The following ERICH3 variants were observed in gnomAD, a reference collection of about 807,000 sequenced individuals.
ERICH3 encodes the protein glutamate rich 3.
ERICH3 carries 126 observed loss-of-function variants against 131.1 expected under a neutral mutation model. That is an observed-to-expected ratio of 0.96 (90% CI 0.83 to 1.11). ERICH3 has a LOEUF of 1.11. Among genes scored for constraint, ERICH3 ranks in the 50% most tolerant of loss-of-function variants. ERICH3 has a pLI of 0.00. For synonymous variants in ERICH3, 695 were observed against 644.6 expected (o/e 1.08, Z -1.18); for missense variants, 2,050 against 1,810.7 (o/e 1.13, Z -2.40).
intron 1 of ERICH3, among the ~76,000 whole-genome samples, chr1:74,660,671 T>C (rs954141734): frequency 6.7e-6 from 1 of 148,786 alleles, no homozygotes; most frequent in Admixed American, 6.7e-5. Flanking sequence ...TACAAGTGTA[T>C]ATGTGTATAT....
chr1:74,657,303 C>T (rs1215302941), intron 1 of ERICH3, among the ~76,000 whole-genome samples: 1 of 151,764 alleles, frequency 6.6e-6, no homozygotes, highest in Non-Finnish European at 1.5e-5. Flanking sequence ...AATATAGTTC[C>T]CAGGGAGGCA....
intron 1 of ERICH3, among the ~76,000 whole-genome samples, chr1:74,673,084 G>C (rs1646756361): frequency 2.0e-5 from 3 of 152,122 alleles, no homozygotes; most frequent in Admixed American, 2.0e-4. Flanking sequence ...TTATATGTAA[G>C]CTAAGGTGAG....
rs532861482 is a variant in ERICH3 at position 74,648,183 on chromosome 1, G to A, written c.117+1039C>T. Reference sequence around the variant, plus strand: ...ATTTGAATTGCCATGCATACAACCAGTGTTCAGTAAGTGCTTGTTAATGAT... The same window carrying A: ...ATTTGAATTGCCATGCATACAACCAATGTTCAGTAAGTGCTTGTTAATGAT... On this transcript the variant is annotated intron_variant, in intron 2 of 14. Coordinates refer to ENST00000326665, the MANE Select transcript of ERICH3 (RefSeq NM_001002912.5). 3.3e-5 allele frequency among the ~76,000 whole-genome samples: 5 copies of A among 152,236 alleles called. No homozygotes were observed. In the East Asian group the frequency reaches 5.8e-4, roughly 18 times the overall value.
chr1:74,574,629 ATCT>A (rs1557661132), intron 13 of ERICH3, among the ~76,000 whole-genome samples: 1 of 152,236 alleles, frequency 6.6e-6, no homozygotes. Context: ...AGCATAAATA[ATCT>A]TCTTAGAGTA....
At chr1:74,597,990 A>T (rs1251302428) in intron 11 of ERICH3, among the ~76,000 whole-genome samples, 1 of 151,944 alleles carries the variant, frequency 6.6e-6, no homozygotes, top group Non-Finnish European at 1.5e-5. Context: ...GTAGTCTGCC[A>T]CTGGTGTTTC....
At chr1:74,648,068 C>T (rs749100897) in intron 2 of ERICH3, among the ~76,000 whole-genome samples, 11 of 152,098 alleles carry the variant, frequency 7.2e-5, no homozygotes, top group African/African-American at 2.2e-4. Flanking sequence ...GTCTCACATT[C>T]GCATTTTCTG....
At chr1:74,591,212 G>A (rs560061500) in intron 11 of ERICH3, among the ~76,000 whole-genome samples, 1 of 152,288 alleles carries the variant, frequency 6.6e-6, no homozygotes, top group South Asian at 2.1e-4. Flanking sequence ...GAAGATTCAT[G>A]TGTGAGAAAA....
In ERICH3 at chr1:74,630,395, G is replaced by A. The variant is rs1375298645; in HGVS notation, c.819+1318C>T. Among the ~76,000 whole-genome samples, 5 of 152,188 alleles carry A rather than the reference G, an allele frequency of 3.3e-5. No homozygotes were observed. The East Asian group carries it at 7.7e-4, about 23-fold the overall frequency. ...CAAGGGCTTGCCAAATGGCATTCAA[G>A]TGTAAGTGACATGTGCCACTCCTGA... On this transcript the variant is annotated intron_variant, in intron 7 of 14. Transcript: ENST00000326665.
At position 74,576,941 on chromosome 1, in the gene ERICH3, T is replaced by TC; in HGVS notation, c.2177-6_2177-5insG. 6.3e-7 allele frequency: 1 copy of TC among 1,581,388 alleles called. No individual in the cohort carries two copies. Among genetic ancestry groups the TC allele is most frequent in the Non-Finnish European group, 8.6e-7 (1 of 1,167,594 alleles). ...CTAATGGCAATGAATCCTTTCCTAGTTAAAAAAAAAAAAAAGAAAAAAAAG... is the reference window on the plus strand; with the variant it reads ...CTAATGGCAATGAATCCTTTCCTAGTCTAAAAAAAAAAAAAAGAAAAAAAAG... On this transcript the variant is annotated splice_polypyrimidine_tract_variant and splice_region_variant and intron_variant, in intron 12 of 14. Transcript: ENST00000326665.
At chr1:74,628,708 C>CAA (rs1342969532) in intron 7 of ERICH3, among the ~76,000 whole-genome samples, 2 of 151,906 alleles carry the variant, frequency 1.3e-5, no homozygotes, top group African/African-American at 4.8e-5. Flanking sequence ...CACACACACA[C>CAA]ACACAGACAC....
At chr1:74,659,183 C>T (rs937008168) in intron 1 of ERICH3, among the ~76,000 whole-genome samples, 3 of 152,120 alleles carry the variant, frequency 2.0e-5, no homozygotes, top group African/African-American at 7.2e-5. Flanking sequence ...GGCGCGGGAA[C>T]TTACAAGAGG....
At chr1:74,604,695 T>C (rs1648300511) in intron 10 of ERICH3, among the ~76,000 whole-genome samples, 2 of 152,038 alleles carry the variant, frequency 1.3e-5, no homozygotes, top group Middle Eastern at 6.8e-3. Flanking sequence ...GAAAGAAATC[T>C]TTTTCCCTGA....
rs78767316 is a variant in ERICH3 at position 74,606,196 on chromosome 1, T to A, written c.1489+405A>T. 8.2e-3 allele frequency among the ~76,000 whole-genome samples: 1,251 copies of A among 152,052 alleles called. 15 individuals carry two copies. Among genetic ancestry groups the A allele is most frequent in the African/African-American group, 0.029 (1,185 of 41,526 alleles). ...CTGCCTTTAGTTATGGCATACTCTATCACCATATAATCATATAGGTTGTAC... is the reference window on the plus strand; with the variant it reads ...CTGCCTTTAGTTATGGCATACTCTAACACCATATAATCATATAGGTTGTAC... On this transcript the variant is annotated intron_variant, in intron 10 of 14. Coordinates refer to ENST00000326665, the MANE Select transcript of ERICH3 (RefSeq NM_001002912.5).
intron 2 of ERICH3, among the ~76,000 whole-genome samples, chr1:74,647,382 A>G (rs970421202): frequency 6.6e-6 from 1 of 152,008 alleles, no homozygotes; most frequent in African/African-American, 2.4e-5. Context: ...ACTTGGTTTC[A>G]TTACTTTGTT....
intron 1 of ERICH3, among the ~76,000 whole-genome samples, chr1:74,665,376 C>A (rs1232567505): frequency 6.6e-6 from 1 of 152,084 alleles, no homozygotes; most frequent in South Asian, 2.1e-4. Flanking sequence ...TTGACTAAGA[C>A]CCCCATGACC....
Position 74,636,324 on chromosome 1 carries a change from A to T in ERICH3, c.559T>A (p.Ser187Thr), listed in dbSNP as rs375837756. The change falls in exon 6 of 15, where the codon TCA becomes ACA. Residue 187 changes from serine to threonine, a missense_variant. Ser to Thr is a moderately conservative substitution (Grantham distance 58, BLOSUM62 1). Transcript: ENST00000326665. ...TCATTTTCCAGCAATGAGGTTTTTG[A>T]TCTGGACCTTGAAGTTACCTTTGGA... is the stretch of plus-strand genomic sequence containing the variant. ...TVPKVTSRSR[S>T]KTSLLENEAL... 1.9e-6 allele frequency: 3 copies of T among 1,612,008 alleles called. No homozygotes were observed. Among genetic ancestry groups the T allele is most frequent in the Non-Finnish European group, 1.7e-6 (2 of 1,178,638 alleles).
intron 9 of ERICH3, among the ~76,000 whole-genome samples, chr1:74,610,418 C>T (rs538100753): frequency 1.4e-5 from 2 of 147,060 alleles, no homozygotes; most frequent in African/African-American, 2.5e-5. Flanking sequence ...TCTTTCCTCC[C>T]GTTACCATAC....
chr1:74,620,963 A>G (rs763409162), intron 7 of ERICH3, 49 bp from the exon 8 acceptor site: 1 of 1,407,282 alleles, frequency 7.1e-7, no homozygotes, highest in Non-Finnish European at 9.5e-7. Flanking sequence ...CTTTCTAATG[A>G]GAGTTCTTAC....
intron 7 of ERICH3, chr1:74,624,793 G>C (rs1402904885): frequency 4.6e-5 from 7 of 152,940 alleles, no homozygotes; most frequent in African/African-American, 1.2e-4. Context: ...GGGTCTTGCT[G>C]TGTTGCCTAG....
Sources: allele counts gnomAD v4.1 joint callset (sites outside exome capture counted in the v4.1 genomes callset), GRCh38; gene constraint gnomAD v4.1.1; transcripts MANE v1.5; gene names NCBI Gene and HGNC (gene_info 2026-07-23, HGNC 2026-07-21).